Variants in FRMD4B observed in about 807,000 individuals in gnomAD.
FRMD4B encodes the protein FERM domain-containing protein 4B.
Under a neutral mutation model 141.5 loss-of-function variants are expected in FRMD4B, and 74 were observed. The ratio of observed to expected loss-of-function variants is 0.52; its 90% CI spans 0.43 to 0.63. The LOEUF is 0.63. Ranked by LOEUF, FRMD4B falls within the 30% of genes least tolerant of loss-of-function variation. FRMD4B has a pLI of 0.00. For missense variants in FRMD4B, 1,366 were observed against 1,253.4 expected, an observed-to-expected ratio of 1.09 and a Z score of -1.36; for synonymous variants, 506 against 467.9, an observed-to-expected ratio of 1.08 and a Z score of -1.05.
chr3:69,417,514 T>C (rs1265671693), intron 2 of FRMD4B, among the ~76,000 whole-genome samples: 1 of 152,238 alleles, frequency 6.6e-6, no homozygotes, highest in East Asian at 1.9e-4. Flanking sequence ...ACTCTGATGA[T>C]AGTTTCTTTT....
At position 69,225,476 on chromosome 3, in the gene FRMD4B, C is replaced by T. The variant is rs574492455; in HGVS notation, c.582-786G>A. On this transcript the variant is annotated intron_variant, in intron 7 of 22. Coordinates refer to ENST00000398540, the MANE Select transcript of FRMD4B (RefSeq NM_015123.3). Reference sequence around the variant, plus strand: ...AGATCACAAGGTCAGGAGATTGAGACCATCCTGGCTAACACGGTGAAACCC... The same window carrying T: ...AGATCACAAGGTCAGGAGATTGAGATCATCCTGGCTAACACGGTGAAACCC... 2.8e-5 allele frequency among the ~76,000 whole-genome samples: 4 copies of T among 141,406 alleles called. No individual in the cohort carries two copies. In the East Asian group the frequency reaches 6.2e-4, roughly 22 times the overall value. 92.8% of individuals were successfully genotyped at this position (141,406 alleles called of 152,430 possible). A position where few individuals can be genotyped will look rare whatever the true frequency, so the allele number is the denominator to read the frequency against.
intron 7 of FRMD4B, among the ~76,000 whole-genome samples, chr3:69,241,927 C>CAGA (rs1212810238): frequency 6.6e-6 from 1 of 151,910 alleles, no homozygotes; most frequent in Non-Finnish European, 1.5e-5. Context: ...AAAAAGGAAA[C>CAGA]CTCTAACAGT....
At position 69,358,581 on chromosome 3, in the gene FRMD4B, C is replaced by T. The variant is rs150948700; in HGVS notation, c.162+27247G>A. 9.5e-4 allele frequency among the ~76,000 whole-genome samples: 144 copies of T among 152,118 alleles called. 1 individual carries two copies. In the East Asian group the frequency reaches 0.026, roughly 28 times the overall value. On this transcript the variant is annotated intron_variant, in intron 1 of 22. Transcript: ENST00000398540. ...TGAAACTCCATCTCTACAAAATACA[C>T]AAAAATTAGCCAAGTGTGGTGGCAT...
chr3:69,222,253 G>T (rs1238514389), intron 8 of FRMD4B, among the ~76,000 whole-genome samples: 1 of 151,810 alleles, frequency 6.6e-6, no homozygotes, highest in Non-Finnish European at 1.5e-5. Flanking sequence ...GGATCATGAG[G>T]TCAGGAGATT....
chr3:69,325,507 A>G (rs183213345), intron 1 of FRMD4B, among the ~76,000 whole-genome samples: 4 of 152,360 alleles, frequency 2.6e-5, no homozygotes, highest in Admixed American at 6.5e-5. Flanking sequence ...GCTGAAGGCC[A>G]TCAGGAGACA....
intron 17 of FRMD4B, among the ~76,000 whole-genome samples, chr3:69,193,002 G>A (rs993832642): frequency 1.3e-5 from 2 of 151,734 alleles, no homozygotes; most frequent in Non-Finnish European, 2.9e-5. Context: ...AATATTTTTT[G>A]AAGAGACGGG....
chr3:69,390,493 G>A (rs1189785057), upstream of FRMD4B, among the ~76,000 whole-genome samples: 1 of 152,140 alleles, frequency 6.6e-6, no homozygotes, highest in East Asian at 1.9e-4. Flanking sequence ...TAGAGGCCAG[G>A]GATGCCGCTA....
intron 21 of FRMD4B, among the ~76,000 whole-genome samples, chr3:69,177,104 G>A (rs986969604): frequency 3.9e-5 from 6 of 152,126 alleles, no homozygotes; most frequent in Admixed American, 2.0e-4. Flanking sequence ...TTGGGAAGCC[G>A]AGGCGGGAGG....
chr3:69,425,672 A>G (rs4260448), intron 2 of FRMD4B, among the ~76,000 whole-genome samples: 5,480 of 152,312 alleles, frequency 0.036, 279 homozygotes, highest in African/African-American at 0.11. Flanking sequence ...TTCCCAATTC[A>G]TTCAATCCTC....
chr3:69,312,770 T>C (rs1701642692), intron 2 of FRMD4B, among the ~76,000 whole-genome samples: 2 of 152,126 alleles, frequency 1.3e-5, no homozygotes, highest in Admixed American at 6.6e-5. Context: ...AAGGTGGTGG[T>C]GGCCTGTACT....
chr3:69,481,610 A>G (rs193119047), intron 1 of FRMD4B, among the ~76,000 whole-genome samples: 97 of 152,304 alleles, frequency 6.4e-4, no homozygotes, highest in African/African-American at 2.3e-3. Context: ...TGCAGCCAAG[A>G]CACTTAACTC....
chr3:69,304,175 CAAAA>C (rs35528700), intron 3 of FRMD4B, among the ~76,000 whole-genome samples: 5 of 106,260 alleles, frequency 4.7e-5, no homozygotes, highest in African/African-American at 3.3e-5. Context: ...TAACTTGTCT[CAAAA>C]AAAAAAAAAA....
intron 1 of FRMD4B, among the ~76,000 whole-genome samples, chr3:69,314,258 T>G (rs11921717): frequency 8.0e-6 from 1 of 125,298 alleles, no homozygotes; most frequent in Non-Finnish European, 1.6e-5. Flanking sequence ...CCAGGCACAG[T>G]GGCTCACTCC....
chr3:69,292,342 G>C (rs1700900736), intron 4 of FRMD4B, among the ~76,000 whole-genome samples: 1 of 152,208 alleles, frequency 6.6e-6, no homozygotes, highest in African/African-American at 2.4e-5. Context: ...CAGGCGGATA[G>C]CATATTAGCC....
At chr3:69,514,115 T>C (rs1005255318) in intron 1 of FRMD4B, among the ~76,000 whole-genome samples, 2 of 152,148 alleles carry the variant, frequency 1.3e-5, no homozygotes, top group Non-Finnish European at 2.9e-5. Context: ...AGTAAAATGG[T>C]CTCTGATCAC....
chr3:69,534,252 A>T (rs577037321), intron 1 of FRMD4B, among the ~76,000 whole-genome samples: 1 of 152,298 alleles, frequency 6.6e-6, no homozygotes, highest in East Asian at 1.9e-4. Context: ...CACTGACACT[A>T]TTTCTTTCTC....
In FRMD4B at chr3:69,482,773, G is replaced by C. The variant is rs746292019; in HGVS notation, c.-128-50012C>G. Among the ~76,000 whole-genome samples, 6 of 152,302 alleles carry C rather than the reference G, an allele frequency of 3.9e-5. No homozygotes were observed. In the South Asian group the frequency reaches 1.2e-3, roughly 32 times the overall value. On this transcript the variant is annotated intron_variant, in intron 1 of 5. Coordinates refer to the FRMD4B transcript ENST00000459638. ...TTGTGCCACTGCCTGAAATGACCTC[G>C]GGTGACCCCCATAGGGGTGCCTAAA...
intron 1 of FRMD4B, among the ~76,000 whole-genome samples, chr3:69,478,774 C>G (rs1158128767): frequency 6.6e-6 from 1 of 152,060 alleles, no homozygotes; most frequent in Non-Finnish European, 1.5e-5. Context: ...AACTTTCTGT[C>G]TCGTTGATCT....
intron 2 of FRMD4B, among the ~76,000 whole-genome samples, chr3:69,408,957 T>C (rs1038171206): frequency 7.2e-5 from 11 of 152,182 alleles, no homozygotes; most frequent in African/African-American, 2.4e-4. Flanking sequence ...ACCCACCTTA[T>C]AATCTTGGAG....
Sources: gnomAD v4.1 joint callset for allele counts (sites outside exome capture counted in the v4.1 genomes callset) on GRCh38, gnomAD v4.1.1 for gene constraint, MANE v1.5 for transcripts, NCBI Gene and HGNC (gene_info 2026-07-23, HGNC 2026-07-21) for gene names.